The following LIMK2 variants were observed in gnomAD, a reference collection of about 807,000 sequenced individuals.
LIMK2 encodes the protein LIM domain kinase 2.
In LIMK2, 35 loss-of-function variants were observed where a neutral mutation model predicts 75.7. The observed-to-expected ratio is 0.46, with a 90% confidence interval of 0.35 to 0.61. The LOEUF is 0.61. LIMK2 is among the 20% of genes least tolerant of loss of function. The pLI is 0.00. For synonymous variants in LIMK2, 301 were observed against 319.2 expected (o/e 0.94, Z 0.61); for missense variants, 623 against 831.0 (o/e 0.75, Z 3.08).
chr22:31,278,622 C>T lies in LIMK2; in HGVS notation c.*181C>T, dbSNP rs2049056097. ...TGGGCGCAGCACCAGGGAAATGTAT[C>T]TCCACAGGTTCTGGGGCCTAGTTAC... On this transcript the variant is annotated 3_prime_UTR_variant, in exon 16 of 16. Coordinates refer to ENST00000331728, the MANE Select transcript of LIMK2 (RefSeq NM_005569.4). The T allele has an allele frequency of 5.9e-6, 3 of 508,282 alleles. No homozygotes were observed. The highest frequency in any genetic ancestry group is 1.0e-5 in the Non-Finnish European group (3 of 299,116). 31.5% of individuals were successfully genotyped at this position (508,282 alleles called of 1,614,324 possible).
At chr22:31,218,025 G>T (rs1343173709) in intron 1 of LIMK2, among the ~76,000 whole-genome samples, 3 of 152,124 alleles carry the variant, frequency 2.0e-5, no homozygotes, top group Non-Finnish European at 2.9e-5. Flanking sequence ...GATTTTAGAA[G>T]TTTCTGTATT....
chr22:31,270,139 A>G (rs2048941036), intron 11 of LIMK2, among the ~76,000 whole-genome samples: 1 of 152,204 alleles, frequency 6.6e-6, no homozygotes, highest in Non-Finnish European at 1.5e-5. Flanking sequence ...AACTGGCTCC[A>G]TGAGACTGGC....
chr22:31,239,112 C>T (rs1199565631), intron 2 of LIMK2, among the ~76,000 whole-genome samples: 1 of 152,228 alleles, frequency 6.6e-6, no homozygotes, highest in Non-Finnish European at 1.5e-5. Flanking sequence ...GCATACTCTG[C>T]TGTTAGTGAA....
chr22:31,268,259 T>C, intron 11 of LIMK2, 59 bp downstream of exon 11: 1 of 1,378,764 alleles, frequency 7.3e-7, no homozygotes, highest in Admixed American at 1.7e-5. Flanking sequence ...GTGAGAATTG[T>C]GGGCTTCACT....
intron 1 of LIMK2, among the ~76,000 whole-genome samples, chr22:31,217,391 C>T (rs929362221): frequency 1.3e-5 from 2 of 150,266 alleles, no homozygotes; most frequent in Non-Finnish European, 3.0e-5. Flanking sequence ...AGCGAGACTC[C>T]GTCTCAGAAA....
intron 1 of LIMK2, among the ~76,000 whole-genome samples, chr22:31,224,561 C>T (rs543218167): frequency 5.3e-5 from 8 of 152,316 alleles, no homozygotes; most frequent in African/African-American, 1.9e-4. Context: ...TATAATAATA[C>T]CTGTGTCACA....
At chr22:31,274,631 C>A (rs1601447217) in intron 14 of LIMK2, among the ~76,000 whole-genome samples, 1 of 152,276 alleles carries the variant, frequency 6.6e-6, no homozygotes, top group East Asian at 1.9e-4. Context: ...AAATGCCTGA[C>A]CTCAGGTGAT....
At chr22:31,232,546 T>A (rs1293208556) in intron 2 of LIMK2, among the ~76,000 whole-genome samples, 1 of 152,176 alleles carries the variant, frequency 6.6e-6, no homozygotes, top group Non-Finnish European at 1.5e-5. Flanking sequence ...ATAAAAGTCA[T>A]CAAATTAGGC....
At chr22:31,265,814 C>G (rs2048888063) in intron 7 of LIMK2, 132 bp from the exon 8 acceptor site, 1 of 686,732 alleles carries the variant, frequency 1.5e-6, no homozygotes, top group Non-Finnish European at 2.5e-6. Context: ...GTAAGAGCCC[C>G]TGTTCCCCAA....
chr22:31,246,217 G>T (rs888524846), intron 2 of LIMK2, among the ~76,000 whole-genome samples: 3 of 65,762 alleles, frequency 4.6e-5, no homozygotes, highest in Admixed American at 1.3e-4. Context: ...ACACACACAC[G>T]CTGGGTATGG....
intron 2 of LIMK2, among the ~76,000 whole-genome samples, chr22:31,228,623 C>A (rs1423119268): frequency 1.3e-5 from 2 of 152,088 alleles, no homozygotes; most frequent in African/African-American, 2.4e-5. Flanking sequence ...GCTAGCATAG[C>A]ATCTGACATA....
intron 15 of LIMK2, chr22:31,277,333 C>G: frequency 1.4e-6 from 2 of 1,422,076 alleles, no homozygotes; most frequent in East Asian, 2.6e-5. Context: ...TGTTATTAAA[C>G]TGATGGGACT....
In LIMK2 at chr22:31,262,869, CAG is replaced by C. The variant is rs1039795180; in HGVS notation, c.854+81_854+82del. ...AGCTGAGCTGGCTTTCAGAAGCCTG[CAG>C]AGTTAGGAAAGGAACCAGCTGGCCA... On this transcript the variant is annotated intron_variant, in intron 7 of 15. Coordinates refer to ENST00000331728, the MANE Select transcript of LIMK2 (RefSeq NM_005569.4). This position sits in a 1 kb window ranked among gnomAD's most constrained non-coding sequence, Gnocchi z 5.0. 3.1e-6 allele frequency: 4 copies of C among 1,306,990 alleles called. No homozygotes were observed. In the African/African-American group the frequency reaches 6.0e-5, roughly 20 times the overall value. 81.0% of individuals were successfully genotyped at this position (1,306,990 alleles called of 1,614,324 possible).
At chr22:31,258,242 C>A in intron 2 of LIMK2, 49 bp from the exon 3 acceptor site, 1 of 1,548,094 alleles carries the variant, frequency 6.5e-7, no homozygotes, top group Non-Finnish European at 8.7e-7. Context: ...GCTTATGTGG[C>A]CTGGTTCCAG....
chr22:31,262,387 G>C lies in LIMK2; in HGVS notation c.657+148G>C. The C allele has an allele frequency of 2.5e-6, 2 of 813,220 alleles. No individual in the cohort carries two copies. Among genetic ancestry groups the C allele is most frequent in the East Asian group, 2.6e-5 (1 of 37,844 alleles). 50.4% of individuals were successfully genotyped at this position (813,220 alleles called of 1,614,324 possible). A position where few individuals can be genotyped will look rare whatever the true frequency, so the allele number is the denominator to read the frequency against. On this transcript the variant is annotated intron_variant, in intron 6 of 15. Coordinates refer to ENST00000331728, the MANE Select transcript of LIMK2 (RefSeq NM_005569.4). This position sits in a 1 kb window ranked among gnomAD's most constrained non-coding sequence, Gnocchi z 5.0. ...GTGACCACTGGTGACCTATTTCAGC[G>C]TAACAGGTTCCCAGGGTAGCAGGGA... is the stretch of plus-strand genomic sequence containing the variant.
chr22:31,256,060 G>A (rs1601427751), intron 2 of LIMK2, among the ~76,000 whole-genome samples: 1 of 126,934 alleles, frequency 7.9e-6, no homozygotes, highest in Non-Finnish European at 1.6e-5. Context: ...GTGCAGTGGT[G>A]CAATTTTGGG....
chr22:31,235,931 G>T (rs1303617336), intron 2 of LIMK2, among the ~76,000 whole-genome samples: 1 of 152,172 alleles, frequency 6.6e-6, no homozygotes, highest in Non-Finnish European at 1.5e-5. Context: ...TCAAATCCTG[G>T]TTCTGCCTTT....
intron 10 of LIMK2, 102 bp downstream of exon 10, chr22:31,268,009 C>T: frequency 6.5e-7 from 1 of 1,545,900 alleles, no homozygotes; most frequent in Non-Finnish European, 8.9e-7. Flanking sequence ...CCCTGCTTTG[C>T]CTCCAAAGGA....
chr22:31,275,115 T>C (rs371336667), intron 14 of LIMK2, 36 bp from the exon 15 acceptor site: 132 of 1,609,202 alleles, frequency 8.2e-5, no homozygotes, highest in Admixed American at 3.3e-5. Context: ...GTGGCCTCTG[T>C]AGTCCTTTGT....
Sources: gnomAD v4.1 joint callset for allele counts (sites outside exome capture counted in the v4.1 genomes callset) on GRCh38, gnomAD v4.1.1 for gene constraint, Gnocchi (gnomAD v3.1) non-coding constraint, MANE v1.5 for transcripts, NCBI Gene and HGNC (gene_info 2026-07-23, HGNC 2026-07-21) for gene names.